The following MUC5B variants were observed in gnomAD, a reference collection of about 807,000 sequenced individuals.
The protein encoded by MUC5B is mucin-5B.
Under a neutral mutation model 376.9 loss-of-function variants are expected in MUC5B, and 116 were observed. The ratio of observed to expected loss-of-function variants is 0.31; its 90% CI spans 0.26 to 0.36. The LOEUF is 0.36. MUC5B is among the 10% of genes least tolerant of loss of function. The pLI is 1.00. For missense variants in MUC5B, 7,165 were observed against 7,769.9 expected, an observed-to-expected ratio of 0.92 and a Z score of 2.93; for synonymous variants, 3,517 against 3,390.9, an observed-to-expected ratio of 1.04 and a Z score of -1.29.
rs1034727635 is a variant in MUC5B, at chr11:1,255,002, C to A, written c.15665-39C>A. On this transcript the variant is annotated intron_variant, in intron 35 of 48. Coordinates refer to ENST00000529681, the MANE Select transcript of MUC5B (RefSeq NM_002458.3). ...AGGGGGGTGGGGGCTGTGAAAGGCTCCCCAGATTCCAGCCCCGCGGTGACG... is the reference window on the plus strand; with the variant it reads ...AGGGGGGTGGGGGCTGTGAAAGGCTACCCAGATTCCAGCCCCGCGGTGACG... 4.5e-6 allele frequency: 7 copies of A among 1,542,118 alleles called. No individual in the cohort carries two copies. In the African/African-American group the frequency reaches 9.5e-5, roughly 21 times the overall value.
In MUC5B at chr11:1,236,990, C is replaced by T. The variant is rs1862172857; in HGVS notation, c.3123C>T (p.Ser1041=). The T allele has an allele frequency of 1.9e-6, 3 of 1,568,148 alleles. No homozygotes were observed. The highest frequency in any genetic ancestry group is 2.4e-5 in the South Asian group (2 of 84,330). ...DNAINDFATR[S]RSVVGDALEF... Reference sequence around the variant, plus strand: ...CCATCAATGACTTTGCCACGCGTAGCCGGTCCGTGGTGGGGGACGCACTGG... The same window carrying T: ...CCATCAATGACTTTGCCACGCGTAGTCGGTCCGTGGTGGGGGACGCACTGG... Residue 1041 remains serine (S), a synonymous_variant, in exon 25 of 49, where the codon AGC becomes AGT. Transcript: ENST00000529681.
Position 1,249,918 on chromosome 11 carries a change from C to A in MUC5B, c.13038C>A (p.Ala4346=). The change falls in exon 31 of 49, where the codon GCC becomes GCA. Residue 4346 remains alanine, a synonymous_variant. Transcript: ENST00000529681. ...CAGAACAGACCACCACACCCGTGGC[C>A]ACCATGTCCACAATCCACCCCTCCT... ...TLPEQTTTPV[A]TMSTIHPSST... is the part of the protein sequence containing the mutation. 6.2e-7 allele frequency: 1 copy of A among 1,613,352 alleles called. No homozygotes were observed. Among genetic ancestry groups the A allele is most frequent in the Non-Finnish European group, 8.5e-7 (1 of 1,179,710 alleles).
intron 27 of MUC5B, 116 bp downstream of exon 27, chr11:1,239,682 C>A: frequency 6.7e-7 from 1 of 1,493,144 alleles, no homozygotes. Context: ...ACAATGCAAG[C>A]CTTGAGGGCA....
intron 15 of MUC5B, 132 bp from the exon 16 acceptor site, chr11:1,232,318 C>G (rs1271433447): frequency 1.5e-6 from 2 of 1,332,266 alleles, no homozygotes; most frequent in African/African-American, 1.5e-5. Flanking sequence ...GCGGCCAGAA[C>G]CCCCCAAGGC....
Position 1,223,108 on chromosome 11 carries a change from C to A in MUC5B, c.-16C>A. The A allele has an allele frequency of 1.4e-6, 1 of 700,146 alleles. No homozygotes were observed. The highest frequency in any genetic ancestry group is 1.5e-5 in the South Asian group (1 of 67,172). 43.4% of individuals were successfully genotyped at this position (700,146 alleles called of 1,614,324 possible). On this transcript the variant is annotated 5_prime_UTR_variant, in exon 1 of 49. Transcript: ENST00000529681. ...CCCTGCCCGTCCCCGTCCCCCCACC[C>A]GTGCCAGCCCCCAGGATGGGTGCCC...
At position 1,254,250 on chromosome 11, in the gene MUC5B, A is replaced by ACTGCCG. The variant is rs56032431; in HGVS notation, c.15384_15389dup (p.Ala5129_Ala5130dup). On this transcript the variant is annotated inframe_insertion, in exon 34 of 49. Coordinates refer to ENST00000529681, the MANE Select transcript of MUC5B (RefSeq NM_002458.3). ...CAACCACTACTGCACGGCCTCTGCC[A>ACTGCCG]CTGCCGCTGCCGCCCGCTGCCCCCG... 1.2e-6 allele frequency: 2 copies of ACTGCCG among 1,612,452 alleles called. No individual in the cohort carries two copies. The highest frequency in any genetic ancestry group is 1.3e-5 in the African/African-American group (1 of 75,054).
At chr11:1,223,228 G>T in intron 1 of MUC5B, 35 bp downstream of exon 1, 1 of 707,690 alleles carries the variant, frequency 1.4e-6, no homozygotes. Flanking sequence ...TCTCGATGCT[G>T]TCTTCACGGC....
chr11:1,234,966 T>A lies in MUC5B; in HGVS notation c.2631-119T>A, dbSNP rs1411467102. ...CACCACTTCTTCCACGGAGGAGGGG[T>A]CAGGCTGGGCCTGGGGAGGCTGAGG... On this transcript the variant is annotated intron_variant, in intron 21 of 48. Transcript: ENST00000529681. This position sits in a 1 kb window ranked among gnomAD's most constrained non-coding sequence, Gnocchi z 6.3. 2.2e-6 allele frequency: 3 copies of A among 1,362,702 alleles called. No individual in the cohort carries two copies. Among genetic ancestry groups the A allele is most frequent in the African/African-American group, 1.5e-5 (1 of 68,414 alleles). 84.4% of individuals were successfully genotyped at this position (1,362,702 alleles called of 1,614,324 possible). A position where few individuals can be genotyped will look rare whatever the true frequency, so the allele number is the denominator to read the frequency against.
chr11:1,245,544 G>C lies in MUC5B; in HGVS notation c.8664G>C (p.Pro2888=), dbSNP rs747239111. The change falls in exon 31 of 49, where the codon CCG becomes CCC. Residue 2888 remains proline, a synonymous_variant. Coordinates refer to ENST00000529681, the MANE Select transcript of MUC5B (RefSeq NM_002458.3). ...SEWLDYSYPM[P]GPSGGDFDTY... ...GGCTGGACTACAGCTACCCCATGCCGGGGCCCTCTGGCGGGGACTTTGACA... is the reference window on the plus strand; with the variant it reads ...GGCTGGACTACAGCTACCCCATGCCCGGGCCCTCTGGCGGGGACTTTGACA... The C allele has an allele frequency of 1.9e-6, 3 of 1,556,496 alleles. No homozygotes were observed. Among genetic ancestry groups the C allele is most frequent in the East Asian group, 4.6e-5 (2 of 43,168 alleles).
Position 1,257,271 on chromosome 11 carries a change from T to C in MUC5B, c.16269T>C (p.Phe5423=), listed in dbSNP as rs530254431. The change falls in exon 40 of 49, where the codon TTT becomes TTC. Residue 5423 remains phenylalanine (F), a splice_region_variant and synonymous_variant. Coordinates refer to ENST00000529681, the MANE Select transcript of MUC5B (RefSeq NM_002458.3). This position sits in a 1 kb window ranked among gnomAD's most constrained non-coding sequence, Gnocchi z 8.9. ...TGGGACCCGATGGGTTTCCTAAATT[T>C]GTGAGTGGCTCCACCCCCACCTGCC... ...PCVGPDGFPK[F]PGERWVSNCQ... The C allele has an allele frequency of 1.4e-5, 11 of 780,180 alleles. No homozygotes were observed. Among genetic ancestry groups the C allele is most frequent in the South Asian group, 1.2e-4 (9 of 74,636 alleles). The allele number at this position is 780,180 out of a possible 1,614,324, so 48.3% of individuals were successfully genotyped here.
intron 38 of MUC5B, 97 bp from the exon 39 acceptor site, chr11:1,256,574 T>C: frequency 5.0e-6 from 3 of 597,480 alleles, no homozygotes; most frequent in Non-Finnish European, 8.4e-6. Context: ...ATTCATCTCC[T>C]TCCCTGCTCC....
In MUC5B at chr11:1,232,790, G is replaced by T; in HGVS notation, c.2065+20G>T. Reference sequence around the variant, plus strand: ...TCTGCAGTGAGTGCCCACGCTGGGGGTGGGATGTGTCCACACCGCGTGGGG... The same window carrying T: ...TCTGCAGTGAGTGCCCACGCTGGGGTTGGGATGTGTCCACACCGCGTGGGG... On this transcript the variant is annotated intron_variant, in intron 17 of 48. Transcript: ENST00000529681. 6.3e-7 allele frequency: 1 copy of T among 1,579,764 alleles called. No homozygotes were observed.
chr11:1,252,317 T>A lies in MUC5B; in HGVS notation c.14864-26T>A, dbSNP rs748603040. 1.1e-5 allele frequency: 16 copies of A among 1,520,466 alleles called. No individual in the cohort carries two copies. The African/African-American group carries it at 1.9e-4, about 18-fold the overall frequency. The allele number at this position is 1,520,466 out of a possible 1,614,324, so 94.2% of individuals were successfully genotyped here. On this transcript the variant is annotated intron_variant, in intron 31 of 48. Transcript: ENST00000529681. The stretch of plus-strand genomic sequence containing the variant: ...CTTACCCATCTCTGGGAGTGGCTTA[T>A]CTTTCTATGGTGTTGTTCTTCACAG...
Position 1,243,585 on chromosome 11 carries a change from C to A in MUC5B, c.6705C>A (p.Ser2235=), listed in dbSNP as rs750935265. Residue 2235 remains serine (S), a synonymous_variant, in exon 31 of 49, where the codon TCC becomes TCA. Transcript: ENST00000529681. ...THITEPSTVT[S]HTLAATTGTT... Reference sequence around the variant, plus strand: ...TCACAGAGCCTTCCACGGTGACTTCCCACACCCTAGCAGCAACCACCGGTA... The same window carrying A: ...TCACAGAGCCTTCCACGGTGACTTCACACACCCTAGCAGCAACCACCGGTA... 2 of 1,608,614 alleles carry A rather than the reference C, an allele frequency of 1.2e-6. No homozygotes were observed. Among genetic ancestry groups the A allele is most frequent in the East Asian group, 4.5e-5 (2 of 44,664 alleles).
At position 1,242,106 on chromosome 11, in the gene MUC5B, C is replaced by A. The variant is rs766760346; in HGVS notation, c.5226C>A (p.Thr1742=). The change falls in exon 31 of 49, where the codon ACC becomes ACA. Residue 1742 remains threonine, a synonymous_variant. Coordinates refer to ENST00000529681, the MANE Select transcript of MUC5B (RefSeq NM_002458.3). ...TASTASKEPL[T]TSLAPTLTSE... ...GCACCGCTTCCAAAGAGCCGCTGACCACGAGCCTGGCGCCAACACTCACGA... is the reference window on the plus strand; with the variant it reads ...GCACCGCTTCCAAAGAGCCGCTGACAACGAGCCTGGCGCCAACACTCACGA... 8.7e-6 allele frequency: 14 copies of A among 1,613,004 alleles called. No individual in the cohort carries two copies. The African/African-American group carries it at 1.7e-4, about 20-fold the overall frequency.
At position 1,233,777 on chromosome 11, in the gene MUC5B, C is replaced by T. The variant is rs541494931; in HGVS notation, c.2322-16C>T. 7.8e-5 allele frequency: 124 copies of T among 1,599,378 alleles called. No individual in the cohort carries two copies. The highest frequency in any genetic ancestry group is 9.5e-5 in the Non-Finnish European group (111 of 1,173,730). ...TGAGGGCCGCAGATCCAGGCTGTGC[C>T]GTCTGTCTCTTGTAGTTCATGTACG... On this transcript the variant is annotated splice_polypyrimidine_tract_variant and intron_variant, in intron 18 of 48. Transcript: ENST00000529681.
intron 46 of MUC5B, 111 bp downstream of exon 46, chr11:1,260,196 C>T: frequency 1.4e-6 from 2 of 1,437,348 alleles, no homozygotes; most frequent in Non-Finnish European, 1.9e-6. Context: ...GCTGGGGAGG[C>T]CCCACCCCTG....
chr11:1,243,711 G>A lies in MUC5B; in HGVS notation c.6831G>A (p.Thr2277=), dbSNP rs200834421. 0.011 allele frequency: 17,187 copies of A among 1,609,384 alleles called. No individual in the cohort carries two copies. The highest frequency in any genetic ancestry group is 0.015 in the South Asian group (1,376 of 90,726). ...SPGTTTPGHT[T]ATSRTTATAT... ...GGACGACCACCCCGGGCCACACCAC[G>A]GCCACCTCCAGGACCACAGCCACGG... Residue 2277 remains threonine, a synonymous_variant, in exon 31 of 49, where the codon ACG becomes ACA. Transcript: ENST00000529681.
chr11:1,224,447 T>G (rs1235280871), intron 1 of MUC5B, among the ~76,000 whole-genome samples: 1 of 87,078 alleles, frequency 1.1e-5, no homozygotes, highest in Non-Finnish European at 2.2e-5. Flanking sequence ...GCAGTCAGCC[T>G]GGGCAGGGGA....
Sources: allele counts gnomAD v4.1 joint callset (sites outside exome capture counted in the v4.1 genomes callset), GRCh38; gene constraint gnomAD v4.1.1; non-coding constraint Gnocchi (gnomAD v3.1); transcripts MANE v1.5; gene names NCBI Gene and HGNC (gene_info 2026-07-23, HGNC 2026-07-21).